The following ZNF600 variants were observed in gnomAD, a reference collection of about 807,000 sequenced individuals.
ZNF600 encodes zinc finger protein 600, also known as zinc finger protein KR-ZNF1.
A neutral mutation model predicts 7.3 loss-of-function variants in ZNF600; 4 were observed. That is an observed-to-expected ratio of 0.55 (90% CI 0.27 to 1.25). ZNF600 has a LOEUF of 1.25. ZNF600 is among the 50% of genes most tolerant of loss of function. The pLI, the probability that ZNF600 is intolerant of heterozygous loss-of-function variation, is 0.12. For synonymous variants in ZNF600, 290 were observed against 308.9 expected (o/e 0.94, Z 0.64); for missense variants, 911 against 922.1 (o/e 0.99, Z 0.16).
chr19:52,820,710 G>C, the ZNF600 span, among the ~76,000 whole-genome samples: 5 of 98,388 alleles, frequency 5.1e-5, no homozygotes, highest in Admixed American at 3.5e-4. Context: ...CTACCTTGCT[G>C]TCTGTCCTTC....
the ZNF600 span, among the ~76,000 whole-genome samples, chr19:52,820,563 A>T: frequency 2.0e-5 from 3 of 151,810 alleles, no homozygotes; most frequent in Admixed American, 6.6e-5. Context: ...GGCACCCCAG[A>T]TCCCCAGGTG....
the ZNF600 span, among the ~76,000 whole-genome samples, chr19:52,820,956 A>G: frequency 6.6e-6 from 1 of 151,874 alleles, no homozygotes; most frequent in Non-Finnish European, 1.5e-5. Context: ...GAGGGTTTGG[A>G]GTAAGACACC....
chr19:52,809,467 C>T, the ZNF600 span, among the ~76,000 whole-genome samples: 5 of 152,206 alleles, frequency 3.3e-5, no homozygotes, highest in South Asian at 2.1e-4. Flanking sequence ...TAGACACTGG[C>T]GTCTACTTGA....
At chr19:52,793,810 AC>A in the ZNF600 span, among the ~76,000 whole-genome samples, 1 of 117,960 alleles carries the variant, frequency 8.5e-6, no homozygotes, top group Admixed American at 8.3e-5. Context: ...ACACACACAC[AC>A]ACACACAAAA....
chr19:52,786,516 C>T (rs1600405520), intron 1 of ZNF600, 79 bp downstream of exon 1: 3 of 164,256 alleles, frequency 1.8e-5, no homozygotes, highest in African/African-American at 7.1e-5. Flanking sequence ...TATACATTGC[C>T]CTATAGCAGA....
the ZNF600 span, chr19:52,807,768 A>C: frequency 4.3e-6 from 3 of 699,368 alleles, no homozygotes; most frequent in Non-Finnish European, 6.6e-6. Context: ...AGCCACCACG[A>C]CCAGGCTGCC....
the ZNF600 span, among the ~76,000 whole-genome samples, chr19:52,818,203 A>G: frequency 6.6e-6 from 1 of 152,194 alleles, no homozygotes; most frequent in Non-Finnish European, 1.5e-5. Context: ...CTCCTGGAGA[A>G]GCCCACACAC....
At chr19:52,765,131 T>C (rs2062558239) in exon 4 of ZNF600, 2 of 405,086 alleles carry the variant, frequency 4.9e-6, no homozygotes, top group Non-Finnish European at 9.9e-6. Flanking sequence ...GACTCTAGTG[T>C]CAATTAATGC....
At chr19:52,781,255 A>AT (rs2062718956) in intron 1 of ZNF600, 62 bp downstream of exon 2, 1 of 151,552 alleles carries the variant, frequency 6.6e-6, no homozygotes, top group African/African-American at 2.4e-5. Context: ...CACACACTGT[A>AT]TTTTGTCAGT....
chr19:52,793,031 T>C, the ZNF600 span, among the ~76,000 whole-genome samples: 60 of 151,920 alleles, frequency 3.9e-4, no homozygotes, highest in Non-Finnish European at 7.4e-4. Context: ...CCACTGCACC[T>C]GGCCCGGCCC....
chr19:52,790,361 G>A (rs1433507763), upstream of ZNF600, among the ~76,000 whole-genome samples: 1 of 152,138 alleles, frequency 6.6e-6, no homozygotes, highest in Non-Finnish European at 1.5e-5. Context: ...TGCAGGTGTG[G>A]TGGTGCACAC....
chr19:52,813,965 A>AT, the ZNF600 span, among the ~76,000 whole-genome samples: 1 of 145,838 alleles, frequency 6.9e-6, no homozygotes, highest in Non-Finnish European at 1.5e-5. Context: ...AGGGGTGGGA[A>AT]TTTTTTTTAA....
At chr19:52,824,361 G>A in the ZNF600 span, among the ~76,000 whole-genome samples, 3 of 152,128 alleles carry the variant, frequency 2.0e-5, no homozygotes, top group Non-Finnish European at 2.9e-5. Context: ...ATGACTGGTC[G>A]CGGTGGCTCA....
chr19:52,826,825 G>A, the ZNF600 span, among the ~76,000 whole-genome samples: 2 of 151,942 alleles, frequency 1.3e-5, no homozygotes, highest in African/African-American at 2.4e-5. Context: ...GCAGTGAGCT[G>A]ACAGATATTG....
chr19:52,803,143 G>A, the ZNF600 span, among the ~76,000 whole-genome samples: 3 of 152,114 alleles, frequency 2.0e-5, no homozygotes, highest in Non-Finnish European at 4.4e-5. Context: ...GCAATGGTAT[G>A]ATCTTGGCTC....
chr19:52,767,041 G>A, exon 4 of ZNF600: 2 of 1,614,066 alleles, frequency 1.2e-6, no homozygotes, highest in African/African-American at 1.3e-5. Context: ...GCAGTGTGAA[G>A]TCTACGATGG....
intron 1 of ZNF600, among the ~76,000 whole-genome samples, chr19:52,784,564 G>A (rs2062749184): frequency 6.6e-6 from 1 of 152,132 alleles, no homozygotes; most frequent in Admixed American, 6.6e-5. Flanking sequence ...GCTAACCTCT[G>A]ATACCAAAAT....
intron 3 of ZNF600, among the ~76,000 whole-genome samples, chr19:52,773,979 A>C (rs112100159): frequency 3.3e-5 from 5 of 151,940 alleles, no homozygotes; most frequent in African/African-American, 1.2e-4. Context: ...CAGCCTTCCA[A>C]AGTGCTGGGA....
At chr19:52,793,797 C>G in the ZNF600 span, among the ~76,000 whole-genome samples, 1 of 95,872 alleles carries the variant, frequency 1.0e-5, no homozygotes, top group Admixed American at 9.5e-5. Flanking sequence ...CACACACACA[C>G]ACACACACAC....
Sources: gnomAD v4.1 joint callset for allele counts (sites outside exome capture counted in the v4.1 genomes callset) on GRCh38, gnomAD v4.1.1 for gene constraint, MANE v1.5 for transcripts, NCBI Gene and HGNC (gene_info 2026-07-23, HGNC 2026-07-21) for gene names.